The following LYPD6 variants were observed in gnomAD, a reference collection of about 807,000 sequenced individuals.
LYPD6 encodes the protein ly6/PLAUR domain-containing protein 6.
A neutral mutation model predicts 22.7 loss-of-function variants in LYPD6; 15 were observed. That is an observed-to-expected ratio of 0.66 (90% CI 0.44 to 1.02). The LOEUF is 1.02. Among genes scored for constraint, LYPD6 ranks in the 50% least tolerant of loss-of-function variants. The pLI is 0.00. For synonymous variants in LYPD6, 72 were observed against 77.5 expected (o/e 0.93, Z 0.37); for missense variants, 189 against 208.4 (o/e 0.91, Z 0.57).
At chr2:149,373,097 A>G (rs78292705) in intron 1 of LYPD6, among the ~76,000 whole-genome samples, 6,329 of 152,198 alleles carry the variant, frequency 0.042, 437 homozygotes, top group African/African-American at 0.14. Context: ...TGCTGTGGTC[A>G]GCAAGAGAGA....
chr2:149,446,101 A>AG (rs1384336925), intron 2 of LYPD6, among the ~76,000 whole-genome samples: 1 of 152,170 alleles, frequency 6.6e-6, no homozygotes, highest in Non-Finnish European at 1.5e-5. Context: ...AGGGAGAGAG[A>AG]GAGAGATGGA....
At chr2:149,485,639 G>A in the LYPD6 span, among the ~76,000 whole-genome samples, 2 of 152,146 alleles carry the variant, frequency 1.3e-5, no homozygotes, top group African/African-American at 4.8e-5. Flanking sequence ...AGTGACTTTG[G>A]ATCCTGCCAG....
downstream of LYPD6, among the ~76,000 whole-genome samples, chr2:149,476,323 T>C (rs1391749388): frequency 6.6e-6 from 1 of 152,136 alleles, no homozygotes; most frequent in Non-Finnish European, 1.5e-5. Flanking sequence ...TTCATTCTAA[T>C]ATGAGAAGAA....
intron 1 of LYPD6, among the ~76,000 whole-genome samples, chr2:149,384,662 CTGTG>C (rs1682140192): frequency 6.6e-6 from 1 of 152,198 alleles, no homozygotes; most frequent in Non-Finnish European, 1.5e-5. Context: ...CCATGCATCT[CTGTG>C]ACTAGACAGT....
downstream of LYPD6, among the ~76,000 whole-genome samples, chr2:149,475,750 T>G (rs1453545830): frequency 6.6e-6 from 1 of 152,208 alleles, no homozygotes; most frequent in Non-Finnish European, 1.5e-5. Context: ...AGTAGAATGA[T>G]TTTTCTATAT....
chr2:149,441,228 A>G (rs1250820731), intron 2 of LYPD6, among the ~76,000 whole-genome samples: 2 of 152,170 alleles, frequency 1.3e-5, no homozygotes, highest in African/African-American at 4.8e-5. Context: ...ATTTTGAATT[A>G]TTTGTATAGT....
intron 1 of LYPD6, among the ~76,000 whole-genome samples, chr2:149,348,434 T>C (rs956916906): frequency 4.6e-5 from 7 of 152,152 alleles, no homozygotes; most frequent in Non-Finnish European, 8.8e-5. Context: ...GTGGTTGTCA[T>C]GGATGACTCC....
upstream of LYPD6, chr2:149,330,279 CT>C (rs1415004148): frequency 4.0e-5 from 6 of 151,854 alleles, no homozygotes; most frequent in Non-Finnish European, 8.8e-5. Flanking sequence ...GGTCCCAAAT[CT>C]CTCCAGTTCC....
intron 1 of LYPD6, among the ~76,000 whole-genome samples, chr2:149,372,723 G>A (rs928860594): frequency 3.0e-4 from 46 of 152,172 alleles, no homozygotes; most frequent in Admixed American, 5.2e-4. Flanking sequence ...ATAAAGGCTA[G>A]GATAGTAGAT....
rs2105184897 is a variant in LYPD6, at chr2:149,470,823, G to A, written c.489G>A (p.Leu163=). Residue 163 remains leucine (L), a synonymous_variant, in exon 5 of 5, where the codon TTG becomes TTA. Transcript: ENST00000334166. The part of the protein sequence containing the change: ...PRCMSVIVSC[L]WLWLGLML ...GTATGTCAGTGATAGTGTCCTGCTTGTGGTTGTGGTTAGGGCTCATGTTAT... is the reference window on the plus strand; with the variant it reads ...GTATGTCAGTGATAGTGTCCTGCTTATGGTTGTGGTTAGGGCTCATGTTAT... 6.2e-7 allele frequency: 1 copy of A among 1,613,436 alleles called. No homozygotes were observed. Among genetic ancestry groups the A allele is most frequent in the Non-Finnish European group, 8.5e-7 (1 of 1,179,618 alleles).
chr2:149,419,829 GGT>G (rs61066659), intron 1 of LYPD6, among the ~76,000 whole-genome samples: 7 of 149,806 alleles, frequency 4.7e-5, no homozygotes, highest in Admixed American at 2.0e-4. Flanking sequence ...ATGTGCTCAG[GGT>G]GTGTGTGTGT....
chr2:149,380,674 A>G (rs557312123), intron 1 of LYPD6, among the ~76,000 whole-genome samples: 1 of 152,214 alleles, frequency 6.6e-6, no homozygotes, highest in Non-Finnish European at 1.5e-5. Context: ...TTGGGTAAAC[A>G]GTTGGATACA....
At chr2:149,392,919 TG>T (rs1163114725) in intron 1 of LYPD6, among the ~76,000 whole-genome samples, 4 of 152,226 alleles carry the variant, frequency 2.6e-5, no homozygotes, top group African/African-American at 9.6e-5. Context: ...TCCAGCTACT[TG>T]GGAGGCTGAG....
At chr2:149,399,305 A>G (rs1682500046) in intron 1 of LYPD6, among the ~76,000 whole-genome samples, 1 of 152,228 alleles carries the variant, frequency 6.6e-6, no homozygotes, top group Non-Finnish European at 1.5e-5. Flanking sequence ...CAGTTGTTGC[A>G]GACATCTTGA....
chr2:149,336,928 CGTGTGTGTGTGTGT>C (rs1553513649), intron 1 of LYPD6, among the ~76,000 whole-genome samples: 1 of 148,450 alleles, frequency 6.7e-6, no homozygotes, highest in African/African-American at 2.5e-5. Context: ...GTTGAAATAA[CGTGTGTGTGTGTGT>C]GTGTGTGTGT....
the LYPD6 span, among the ~76,000 whole-genome samples, chr2:149,483,308 G>A: frequency 3.3e-5 from 5 of 152,144 alleles, no homozygotes; most frequent in Non-Finnish European, 7.4e-5. Flanking sequence ...ATATTTCCCT[G>A]GAGGAAAAAA....
At chr2:149,444,709 A>T (rs1321767696) in intron 2 of LYPD6, among the ~76,000 whole-genome samples, 1 of 151,834 alleles carries the variant, frequency 6.6e-6, no homozygotes, top group Non-Finnish European at 1.5e-5. Context: ...AACTTCTATT[A>T]TGAGATTACA....
At chr2:149,404,850 G>A (rs933410701) in intron 1 of LYPD6, among the ~76,000 whole-genome samples, 62 of 152,142 alleles carry the variant, frequency 4.1e-4, no homozygotes, top group Non-Finnish European at 7.9e-4. Context: ...TGCCCATTCA[G>A]TATGATATTG....
At chr2:149,334,416 G>A (rs935235757) in intron 1 of LYPD6, among the ~76,000 whole-genome samples, 1 of 152,180 alleles carries the variant, frequency 6.6e-6, no homozygotes, top group Non-Finnish European at 1.5e-5. Context: ...TTCTGTTTTT[G>A]CTGAGTAATA....
Sources: allele counts gnomAD v4.1 joint callset (sites outside exome capture counted in the v4.1 genomes callset), GRCh38; gene constraint gnomAD v4.1.1; transcripts MANE v1.5; gene names NCBI Gene and HGNC (gene_info 2026-07-23, HGNC 2026-07-21).